CLIP2: variants seen among roughly 807,000 people sequenced by gnomAD.
The protein encoded by CLIP2 is CAP-Gly domain containing linker protein 2, also known as CAP-Gly domain-containing linker protein 2.
CLIP2 carries 41 observed loss-of-function variants against 111.7 expected under a neutral mutation model. The observed-to-expected ratio is 0.37, with a 90% CI of 0.29 to 0.48. CLIP2 has a LOEUF of 0.48. CLIP2 is among the 20% of genes least tolerant of loss of function. The pLI is 0.99. For missense variants in CLIP2, 1,160 were observed against 1,422.1 expected (o/e 0.82, Z 2.96); for synonymous variants, 660 against 644.2 (o/e 1.02, Z -0.37).
chr7:74,335,444 T>C (rs544398341), intron 2 of CLIP2, among the ~76,000 whole-genome samples: 3 of 152,040 alleles, frequency 2.0e-5, no homozygotes, highest in African/African-American at 7.2e-5. Flanking sequence ...ATCCTCCTGT[T>C]TCAGCTTCCC....
intron 2 of CLIP2, 36 bp downstream of exon 2, chr7:74,317,703 T>C (rs1554729331): frequency 3.6e-6 from 5 of 1,387,290 alleles, no homozygotes; most frequent in Non-Finnish European, 4.7e-6. Context: ...GTGAGGGGAC[T>C]GGCTACATGG....
At chr7:74,394,923 T>C (rs1024273084) in intron 13 of CLIP2, among the ~76,000 whole-genome samples, 1 of 152,104 alleles carries the variant, frequency 6.6e-6, no homozygotes. Flanking sequence ...GGAAGCTTTC[T>C]GCCCTGTCTC....
intron 2 of CLIP2, among the ~76,000 whole-genome samples, chr7:74,322,793 C>G (rs527455191): frequency 6.6e-6 from 1 of 151,626 alleles, no homozygotes; most frequent in African/African-American, 2.4e-5. Flanking sequence ...TGCAGTGGCG[C>G]GATCTTGGCT....
At chr7:74,359,414 T>C (rs1307303153) in intron 6 of CLIP2, among the ~76,000 whole-genome samples, 2 of 149,144 alleles carry the variant, frequency 1.3e-5, no homozygotes, top group African/African-American at 2.5e-5. Flanking sequence ...AGTGCAGTAG[T>C]GTGATCTTGG....
chr7:74,316,065 T>G (rs1310603019), intron 1 of CLIP2, among the ~76,000 whole-genome samples: 3 of 124,460 alleles, frequency 2.4e-5, no homozygotes, highest in Non-Finnish European at 4.9e-5. Context: ...CCCCATTGTG[T>G]TGTTCCCCTC....
chr7:74,351,769 G>T (rs1554307627), intron 3 of CLIP2, among the ~76,000 whole-genome samples: 2 of 152,216 alleles, frequency 1.3e-5, no homozygotes, highest in African/African-American at 4.8e-5. Flanking sequence ...CTGGGAGGCG[G>T]AGGTTTCAGT....
chr7:74,384,387 T>C (rs1289885561), intron 11 of CLIP2, among the ~76,000 whole-genome samples: 2 of 151,886 alleles, frequency 1.3e-5, no homozygotes, highest in Non-Finnish European at 2.9e-5. Flanking sequence ...GTTAAGTACC[T>C]GTTTTCAGTG....
rs1791199989 is a variant in CLIP2 at position 74,389,025 on chromosome 7, C to T, written c.2564-78C>T. ...CCCCTGGGAGAATCAGCGCCCTGCC[C>T]AGGTCTTTGCCCTTGGGTGGGACAG... On this transcript the variant is annotated intron_variant, in intron 12 of 16. Coordinates refer to ENST00000223398, the MANE Select transcript of CLIP2 (RefSeq NM_003388.5). 7.3e-6 allele frequency: 11 copies of T among 1,503,000 alleles called. No homozygotes were observed. The Admixed American group carries it at 2.4e-4, about 33-fold the overall frequency. The allele number at this position is 1,503,000 out of a possible 1,614,324, so 93.1% of individuals were successfully genotyped here. A position where few individuals can be genotyped will look rare whatever the true frequency, so the allele number is the denominator to read the frequency against.
At chr7:74,364,453 AAGGTCTGATGTCTG>A in intron 8 of CLIP2, 138 bp downstream of exon 8, 3 of 717,642 alleles carry the variant, frequency 4.2e-6, no homozygotes, top group Non-Finnish European at 7.0e-6. Flanking sequence ...GGAAGGATCA[AAGGTCTGATGTCTG>A]AGGTGTTAGT....
At chr7:74,399,890 C>T (rs1053457302) in intron 14 of CLIP2, among the ~76,000 whole-genome samples, 33 of 151,346 alleles carry the variant, frequency 2.2e-4, no homozygotes, top group Non-Finnish European at 4.1e-4. Flanking sequence ...CGCAGTGGCT[C>T]ATGCCTGTAA....
At position 74,403,951 on chromosome 7, in the gene CLIP2, C is replaced by G. The variant is rs150369686; in HGVS notation, c.*103C>G. On this transcript the variant is annotated 3_prime_UTR_variant, in exon 17 of 17. Coordinates refer to ENST00000223398, the MANE Select transcript of CLIP2 (RefSeq NM_003388.5). ...GGAGCCGGGACTGTCACTTTGGAGA[C>G]AAAACAGTGTTTGTAACAATAACGT... 14,635 of 1,276,456 alleles carry G rather than the reference C, an allele frequency of 0.011. 108 individuals carry two copies. Among genetic ancestry groups the G allele is most frequent in the Non-Finnish European group, 0.015 (13,460 of 881,574 alleles). 79.1% of individuals were successfully genotyped at this position (1,276,456 alleles called of 1,614,324 possible).
chr7:74,380,752 G>T (rs1395597881), intron 10 of CLIP2, 54 bp from the exon 11 acceptor site: 13 of 1,498,670 alleles, frequency 8.7e-6, no homozygotes, highest in Non-Finnish European at 1.1e-5. Flanking sequence ...GCTGGCTGGG[G>T]CTGGGGCCAA....
Position 74,338,895 on chromosome 7 carries a change from G to C in CLIP2, c.569G>C (p.Ser190Thr), listed in dbSNP as rs782667586. 1.2e-6 allele frequency: 2 copies of C among 1,605,146 alleles called. No homozygotes were observed. Among genetic ancestry groups the C allele is most frequent in the South Asian group, 2.2e-5 (2 of 91,088 alleles). Residue 190 changes from serine to threonine, a missense_variant, in exon 3 of 17, where the codon AGC becomes ACC. Around this residue, in one of 5 missense-constraint regions of CLIP2, gnomAD observed 301 missense variants for 315.2 expected, o/e 0.96. Transcript: ENST00000223398. This position sits in a 1 kb window ranked among gnomAD's most constrained non-coding sequence, Gnocchi z 4.3. ...AGCCGCGTCATCCCCCTGCGGGAGA[G>C]CGTCCTCAACAGCTCCGTGAAGACT... ...LTSRVIPLRE[S>T]VLNSSVKTGN...
chr7:74,322,151 C>T (rs1168944572), intron 2 of CLIP2, among the ~76,000 whole-genome samples: 1 of 151,352 alleles, frequency 6.6e-6, no homozygotes, highest in South Asian at 2.1e-4. Context: ...GCAACAACAC[C>T]GGCCAATTTT....
Position 74,376,696 on chromosome 7 carries a change from C to G in CLIP2, c.2295C>G (p.Asp765Glu). The G allele has an allele frequency of 6.2e-7, 1 of 1,613,212 alleles. No homozygotes were observed. The highest frequency in any genetic ancestry group is 8.5e-7 in the Non-Finnish European group (1 of 1,179,814). Residue 765 changes from aspartate to glutamate, a missense_variant, in exon 10 of 17, where the codon GAC becomes GAG. By Grantham distance (45) the Asp-to-Glu change is conservative (BLOSUM62 2). Around this residue, in one of 5 missense-constraint regions of CLIP2, gnomAD observed 676 missense variants for 777.8 expected, o/e 0.87. Transcript: ENST00000223398. The surrounding 1 kb of genome is among the most constrained non-coding windows in gnomAD (Gnocchi z 7.1). ...QISLAEKKML[D>E]YERLQRAEAQ... The stretch of plus-strand genomic sequence containing the variant: ...CGCTGGCCGAGAAGAAGATGTTGGA[C>G]TACGAGCGGCTGCAGCGGGCAGAAG...
intron 11 of CLIP2, among the ~76,000 whole-genome samples, chr7:74,384,160 T>A (rs1462097612): frequency 1.3e-5 from 2 of 152,072 alleles, no homozygotes; most frequent in Admixed American, 6.6e-5. Flanking sequence ...ACTGCACTCC[T>A]GCCTGGGTGA....
intron 3 of CLIP2, among the ~76,000 whole-genome samples, chr7:74,340,995 G>T (rs1276363138): frequency 6.6e-6 from 1 of 152,098 alleles, no homozygotes; most frequent in Non-Finnish European, 1.5e-5. Flanking sequence ...TTCCTGCTCT[G>T]AGAACCTGGC....
chr7:74,297,147 CAA>C (rs1395629031), intron 1 of CLIP2, among the ~76,000 whole-genome samples: 4 of 152,198 alleles, frequency 2.6e-5, no homozygotes, highest in African/African-American at 9.6e-5. Flanking sequence ...GGTGTAAGCT[CAA>C]GAGAGCCTCT....
chr7:74,349,473 T>C (rs1327587944), intron 3 of CLIP2, among the ~76,000 whole-genome samples: 11 of 74,866 alleles, frequency 1.5e-4, no homozygotes, highest in Admixed American at 2.5e-4. Flanking sequence ...TGTGTGTGTA[T>C]ATATATATAT....
Sources: gnomAD v4.1 joint callset for allele counts (sites outside exome capture counted in the v4.1 genomes callset) on GRCh38, gnomAD v4.1.1 for gene constraint, gnomAD v4.1.1 regional missense constraint, Gnocchi (gnomAD v3.1) non-coding constraint, MANE v1.5 for transcripts, NCBI Gene and HGNC (gene_info 2026-07-23, HGNC 2026-07-21) for gene names.